NEGR1: variants seen among roughly 807,000 people sequenced by gnomAD.
NEGR1 encodes the protein IgLON family member 4.
A neutral mutation model predicts 40.9 loss-of-function variants in NEGR1; 10 were observed. That is an observed-to-expected ratio of 0.24 (90% CI 0.15 to 0.42). NEGR1 has a LOEUF of 0.42. Ranked by LOEUF, NEGR1 falls within the 10% of genes least tolerant of loss-of-function variation. The probability of loss-of-function intolerance (pLI) is 1.00; values close to 1 mark genes in which losing one functional copy is unlikely to be tolerated. For synonymous variants in NEGR1, 185 were observed against 166.8 expected (o/e 1.11, Z -0.84); for missense variants, 352 against 438.9 (o/e 0.80, Z 1.77).
intron 1 of NEGR1, among the ~76,000 whole-genome samples, chr1:71,985,797 C>A (rs1217202047): frequency 6.6e-6 from 1 of 152,152 alleles, no homozygotes; most frequent in Admixed American, 6.5e-5. Context: ...TTCCCGACAT[C>A]TAGAAAATTA....
chr1:71,998,533 C>T (rs1646525810), intron 1 of NEGR1, among the ~76,000 whole-genome samples: 1 of 151,796 alleles, frequency 6.6e-6, no homozygotes, highest in East Asian at 1.9e-4. Flanking sequence ...ATACCTCATG[C>T]ACCTTTAAGC....
intron 5 of NEGR1, among the ~76,000 whole-genome samples, chr1:71,601,833 T>C (rs1333131605): frequency 6.6e-6 from 1 of 152,016 alleles, no homozygotes; most frequent in Non-Finnish European, 1.5e-5. Flanking sequence ...GAGTGAGGGA[T>C]GAAAAATTAC....
chr1:71,454,545 G>A (rs1646656941), intron 6 of NEGR1, among the ~76,000 whole-genome samples: 2 of 103,674 alleles, frequency 1.9e-5, no homozygotes, highest in South Asian at 6.6e-4. Context: ...AAATATCCAG[G>A]TTTCCTTGTG....
rs984722236 is a variant in NEGR1 at position 71,716,631 on chromosome 1, G to A, written c.536-18492C>T. 1.2e-4 allele frequency among the ~76,000 whole-genome samples: 19 copies of A among 152,070 alleles called. 1 individual carries two copies. Among genetic ancestry groups the A allele is most frequent in the African/African-American group, 4.3e-4 (18 of 41,402 alleles). ...TTTATTTTGTAAACCCAAACCTACA[G>A]AGCCAGAAAAGCAGTTTAATAGTGA... On this transcript the variant is annotated intron_variant, in intron 3 of 6. Transcript: ENST00000357731.
chr1:72,069,533 AT>A (rs1364634515), intron 1 of NEGR1, among the ~76,000 whole-genome samples: 5 of 152,170 alleles, frequency 3.3e-5, no homozygotes, highest in Non-Finnish European at 7.3e-5. Context: ...TATAGAGGTC[AT>A]AAATCTACTT....
chr1:72,274,513 T>A (rs992143108), intron 1 of NEGR1: 3 of 659,804 alleles, frequency 4.5e-6, no homozygotes, highest in Non-Finnish European at 8.4e-6. Context: ...TCTCAAGTTG[T>A]CTGTATCGGT....
At chr1:72,281,744 T>C (rs1008688857) in intron 1 of NEGR1, among the ~76,000 whole-genome samples, 3 of 149,996 alleles carry the variant, frequency 2.0e-5, no homozygotes, top group African/African-American at 7.4e-5. Context: ...AGAAAAGGTA[T>C]GAAAAGAGAT....
intron 1 of NEGR1, among the ~76,000 whole-genome samples, chr1:72,136,657 CA>C (rs1227030046): frequency 0.019 from 2,325 of 123,800 alleles, 23 homozygotes; most frequent in Middle Eastern, 0.046. Flanking sequence ...AAAAAAAAGG[CA>C]AAAAAAAAAA....
At chr1:72,110,600 G>A (rs1463672604) in intron 1 of NEGR1, among the ~76,000 whole-genome samples, 3 of 151,378 alleles carry the variant, frequency 2.0e-5, no homozygotes, top group Non-Finnish European at 4.4e-5. Context: ...CTATAAACCC[G>A]AAAAAACTTT....
intron 1 of NEGR1, among the ~76,000 whole-genome samples, chr1:72,271,225 A>C (rs1160014086): frequency 2.0e-5 from 3 of 151,884 alleles, no homozygotes; most frequent in Admixed American, 2.0e-4. Context: ...TGTTGAACAA[A>C]AATAAGTAAC....
intron 6 of NEGR1, among the ~76,000 whole-genome samples, chr1:71,488,788 C>T (rs1430066205): frequency 6.6e-6 from 1 of 151,536 alleles, no homozygotes; most frequent in East Asian, 1.9e-4. Flanking sequence ...CTGTTTCCTG[C>T]AACTACTAAT....
At chr1:72,114,167 AT>A (rs201279247) in intron 1 of NEGR1, among the ~76,000 whole-genome samples, 6 of 150,722 alleles carry the variant, frequency 4.0e-5, no homozygotes, top group Non-Finnish European at 7.4e-5. Flanking sequence ...CTCTGAGGGT[AT>A]TTTTTTTTAG....
intron 2 of NEGR1, among the ~76,000 whole-genome samples, chr1:71,802,407 A>G (rs1384153564): frequency 6.6e-6 from 1 of 152,186 alleles, no homozygotes; most frequent in Non-Finnish European, 1.5e-5. Flanking sequence ...ATATGTGATC[A>G]TGCTTTATCC....
intron 1 of NEGR1, among the ~76,000 whole-genome samples, chr1:72,131,368 A>G (rs12132602): frequency 0.42 from 63,166 of 152,046 alleles, 14,329 homozygotes; most frequent in Admixed American, 0.55. Flanking sequence ...ATATGCACAC[A>G]TACATCAAGG....
At chr1:71,838,411 G>A (rs1318363101) in intron 2 of NEGR1, among the ~76,000 whole-genome samples, 1 of 152,060 alleles carries the variant, frequency 6.6e-6, no homozygotes, top group Non-Finnish European at 1.5e-5. Context: ...ACAGAAAGAT[G>A]CATTTAAACA....
intron 1 of NEGR1, among the ~76,000 whole-genome samples, chr1:72,092,685 CT>C (rs1483769812): frequency 6.6e-6 from 1 of 152,044 alleles, no homozygotes; most frequent in African/African-American, 2.4e-5. Flanking sequence ...GGGTCTCACT[CT>C]TTTGCCCAGG....
chr1:71,835,231 A>T (rs1383316759), intron 2 of NEGR1, among the ~76,000 whole-genome samples: 2 of 152,224 alleles, frequency 1.3e-5, no homozygotes, highest in Admixed American at 1.3e-4. Flanking sequence ...CTGAACTGGC[A>T]TCATGTTTTT....
At chr1:71,816,950 GA>G (rs59577637) in intron 2 of NEGR1, among the ~76,000 whole-genome samples, 147,984 of 150,424 alleles carry the variant, frequency 0.98, 72,795 homozygotes, top group East Asian at 1. Flanking sequence ...TCTCTTACTA[GA>G]AAAAAAAAAA....
rs77316497 is a variant in NEGR1 at position 72,059,105 on chromosome 1, T to C, written c.177-123794A>G. ...TGATTTCTTTTTGTTTCCATTTTTC[T>C]TGTTGCTTTTCTCTTACTTTCAACT... On this transcript the variant is annotated intron_variant, in intron 1 of 6. Transcript: ENST00000357731. Among the ~76,000 whole-genome samples the C allele has an allele frequency of 6.4e-4, 97 of 151,858 alleles. 5 individuals carry two copies. In the East Asian group the frequency reaches 0.018, roughly 29 times the overall value.
Sources: gnomAD v4.1 joint callset for allele counts (sites outside exome capture counted in the v4.1 genomes callset) on GRCh38, gnomAD v4.1.1 for gene constraint, MANE v1.5 for transcripts, NCBI Gene and HGNC (gene_info 2026-07-23, HGNC 2026-07-21) for gene names.